Variants in CELF2 observed in about 807,000 individuals in gnomAD.
The protein encoded by CELF2 is CUG triplet repeat RNA-binding protein 2.
In CELF2, 8 loss-of-function variants were observed where a neutral mutation model predicts 62.6. The observed-to-expected ratio is 0.13, with a 90% CI of 0.07 to 0.23. The LOEUF (loss-of-function observed/expected upper bound fraction) is 0.23. Among genes scored for constraint, CELF2 ranks in the 10% least tolerant of loss-of-function variants. The probability of loss-of-function intolerance (pLI) is 1.00; values close to 1 mark genes in which losing one functional copy is unlikely to be tolerated. For synonymous variants in CELF2, 258 were observed against 250.0 expected, an observed-to-expected ratio of 1.03 and a Z score of -0.30; for missense variants, 333 against 671.0, an observed-to-expected ratio of 0.50 and a Z score of 5.56.
chr10:10,739,237 C>T, the CELF2 span, among the ~76,000 whole-genome samples: 2 of 151,960 alleles, frequency 1.3e-5, no homozygotes, highest in African/African-American at 4.8e-5. Flanking sequence ...TGAATATTAA[C>T]AAAACAGTGA....
intron 1 of CELF2, among the ~76,000 whole-genome samples, chr10:11,162,490 A>G (rs911759811): frequency 6.6e-6 from 1 of 152,180 alleles, no homozygotes; most frequent in South Asian, 2.1e-4. Flanking sequence ...GGATGTAGAT[A>G]GAAATGAGAG....
chr10:10,940,238 G>A (rs143950000), intron 2 of CELF2, among the ~76,000 whole-genome samples: 7 of 152,188 alleles, frequency 4.6e-5, no homozygotes, highest in East Asian at 1.9e-4. Flanking sequence ...AGTTATACCC[G>A]GGTTTTTTTG....
In CELF2 at chr10:10,807,378, G is replaced by A. The variant is rs534523979; in HGVS notation, c.53+8561G>A. Among the ~76,000 whole-genome samples, 223 of 152,284 alleles carry A rather than the reference G, an allele frequency of 1.5e-3. 1 individual carries two copies. Among genetic ancestry groups the A allele is most frequent in the African/African-American group, 5.1e-3 (211 of 41,564 alleles). ...CCTTCACTCCGTAAAGTCAACCTTG[G>A]ATCCTTAAATATGTCTGGTCATATC... On this transcript the variant is annotated intron_variant, in intron 1 of 13. Transcript: ENST00000636488.
chr10:10,866,851 C>G (rs1212403452), intron 1 of CELF2, among the ~76,000 whole-genome samples: 1 of 142,588 alleles, frequency 7.0e-6, no homozygotes, highest in Non-Finnish European at 1.5e-5. Context: ...ACCCATGAGG[C>G]AGAGGTTGCA....
chr10:11,138,064 G>T (rs1257033551), intron 1 of CELF2, among the ~76,000 whole-genome samples: 1 of 152,170 alleles, frequency 6.6e-6, no homozygotes, highest in African/African-American at 2.4e-5. Context: ...TTGGAATATA[G>T]ACCTAATTAA....
chr10:10,525,057 T>C, the CELF2 span, among the ~76,000 whole-genome samples: 1 of 152,224 alleles, frequency 6.6e-6, no homozygotes. Context: ...GTGCAATGTT[T>C]GGATATTTGC....
chr10:10,745,613 A>G, the CELF2 span, among the ~76,000 whole-genome samples: 1 of 152,028 alleles, frequency 6.6e-6, no homozygotes, highest in Admixed American at 6.5e-5. Flanking sequence ...AACCAGTTCC[A>G]TTTCCCTCCA....
chr10:10,731,458 A>G, the CELF2 span, among the ~76,000 whole-genome samples: 2 of 152,226 alleles, frequency 1.3e-5, no homozygotes, highest in Admixed American at 6.5e-5. Context: ...AGAAATGACA[A>G]TTGTATAAAA....
At chr10:10,864,648 T>C (rs2060245400) in intron 1 of CELF2, among the ~76,000 whole-genome samples, 1 of 152,142 alleles carries the variant, frequency 6.6e-6, no homozygotes, top group Non-Finnish European at 1.5e-5. Flanking sequence ...ATAAGGGCAC[T>C]GATTCCATTG....
intron 1 of CELF2, among the ~76,000 whole-genome samples, chr10:10,880,265 CT>C (rs2061365847): frequency 6.6e-6 from 1 of 152,072 alleles, no homozygotes; most frequent in Admixed American, 6.6e-5. Context: ...GAAATTTGGG[CT>C]TGGGAAGACT....
At chr10:11,176,209 C>A (rs2071048997) in intron 2 of CELF2, among the ~76,000 whole-genome samples, 1 of 152,136 alleles carries the variant, frequency 6.6e-6, no homozygotes, top group African/African-American at 2.4e-5. Flanking sequence ...CATTTGGTTC[C>A]CCTCCCTATA....
At chr10:11,103,854 CATG>C (rs893067830) in intron 1 of CELF2, among the ~76,000 whole-genome samples, 7 of 152,220 alleles carry the variant, frequency 4.6e-5, no homozygotes, top group African/African-American at 1.7e-4. Flanking sequence ...TCTTCTGAGA[CATG>C]ATACTGTTAC....
intron 2 of CELF2, among the ~76,000 whole-genome samples, chr10:10,949,041 G>A (rs1203771403): frequency 6.6e-6 from 1 of 152,148 alleles, no homozygotes; most frequent in African/African-American, 2.4e-5. Context: ...GCAGGTGACA[G>A]CAGTATTTAC....
At chr10:10,840,431 G>C (rs1442216567) in intron 1 of CELF2, among the ~76,000 whole-genome samples, 1 of 152,134 alleles carries the variant, frequency 6.6e-6, no homozygotes, top group Non-Finnish European at 1.5e-5. Context: ...TCTCATTGTT[G>C]TTTAAATTGT....
chr10:10,545,549 T>C, the CELF2 span, among the ~76,000 whole-genome samples: 1 of 152,220 alleles, frequency 6.6e-6, no homozygotes, highest in African/African-American at 2.4e-5. Flanking sequence ...TTCTGGAAAA[T>C]GCGGCCACAT....
Position 11,208,583 on chromosome 10 carries a change from C to T in CELF2, c.272-8842C>T, listed in dbSNP as rs1407537197. Among the ~76,000 whole-genome samples, 7 of 152,216 alleles carry T rather than the reference C, an allele frequency of 4.6e-5. No homozygotes were observed. The East Asian group carries it at 1.3e-3, about 29-fold the overall frequency. ...TTCTTCCTTCTGGGTGTGGGAAGGA[C>T]CTTCCCTGGAATGGGGGTCTTATGA... On this transcript the variant is annotated intron_variant, in intron 2 of 12. Coordinates refer to ENST00000633077, the MANE Select transcript of CELF2 (RefSeq NM_001326342.2).
intron 2 of CELF2, among the ~76,000 whole-genome samples, chr10:10,963,841 A>G (rs1467245878): frequency 6.6e-6 from 1 of 152,132 alleles, no homozygotes; most frequent in South Asian, 2.1e-4. Context: ...AGATGCAGCA[A>G]TGGATTCTCA....
At chr10:10,543,357 G>T in the CELF2 span, among the ~76,000 whole-genome samples, 1 of 152,162 alleles carries the variant, frequency 6.6e-6, no homozygotes. Flanking sequence ...TGAGCTGAAG[G>T]TTAACCTACC....
At chr10:10,503,541 G>A in the CELF2 span, among the ~76,000 whole-genome samples, 24 of 151,566 alleles carry the variant, frequency 1.6e-4, no homozygotes, top group African/African-American at 4.6e-4. Flanking sequence ...TCCTACTTTC[G>A]CTTGATTAAT....
Sources: gnomAD v4.1 joint callset for allele counts (sites outside exome capture counted in the v4.1 genomes callset) on GRCh38, gnomAD v4.1.1 for gene constraint, MANE v1.5 for transcripts, NCBI Gene and HGNC (gene_info 2026-07-23, HGNC 2026-07-21) for gene names.